The following TSPAN15 variants were observed in gnomAD, a reference collection of about 807,000 sequenced individuals.
TSPAN15 encodes tetraspanin-15.
Under a neutral mutation model 34.5 loss-of-function variants are expected in TSPAN15, and 20 were observed. The observed-to-expected ratio is 0.58, with a 90% CI of 0.41 to 0.84. TSPAN15 has a LOEUF of 0.84. Ranked by LOEUF, TSPAN15 falls within the 40% of genes least tolerant of loss-of-function variation. TSPAN15 has a pLI of 0.00. For missense variants in TSPAN15, 313 were observed against 386.1 expected (o/e 0.81, Z 1.59); for synonymous variants, 155 against 153.9 (o/e 1.01, Z -0.05).
the TSPAN15 span, among the ~76,000 whole-genome samples, chr10:69,533,646 A>G: frequency 6.6e-6 from 1 of 152,052 alleles, no homozygotes; most frequent in East Asian, 1.9e-4. Context: ...CACCATCCAT[A>G]CCCCAATAAC....
At chr10:69,482,791 C>T (rs990898686) in intron 1 of TSPAN15, among the ~76,000 whole-genome samples, 13 of 152,162 alleles carry the variant, frequency 8.5e-5, no homozygotes, top group Admixed American at 3.9e-4. Flanking sequence ...CAGCCAGTGG[C>T]ATTTCCCCTA....
the TSPAN15 span, among the ~76,000 whole-genome samples, chr10:69,533,889 C>T: frequency 1.3e-5 from 2 of 152,238 alleles, no homozygotes; most frequent in African/African-American, 2.4e-5. Context: ...ACCCAGATGG[C>T]GTCTGCTGCA....
chr10:69,454,810 G>GAAAATAA (rs1841048478), intron 1 of TSPAN15, among the ~76,000 whole-genome samples: 1 of 151,984 alleles, frequency 6.6e-6, no homozygotes, highest in Non-Finnish European at 1.5e-5. Flanking sequence ...CTCTGTTGCA[G>GAAAATAA]AAAATAAAAA....
chr10:69,486,104 G>C (rs1426766855), intron 3 of TSPAN15, among the ~76,000 whole-genome samples: 1 of 152,236 alleles, frequency 6.6e-6, no homozygotes, highest in Non-Finnish European at 1.5e-5. Context: ...GGGACACCTA[G>C]CTCACAGATC....
At position 69,506,877 on chromosome 10, in the gene TSPAN15, A is replaced by T; in HGVS notation, c.784A>T (p.Ile262Phe). ...GCTGTACATCACCCGGGTGGAGGAC[A>T]TCATCATGGAGCACTCTGTCACTGA... ...TLLYITRVED[I>F]IMEHSVTDGL... The change falls in exon 8 of 8, where the codon ATC becomes TTC. Residue 262 changes from isoleucine to phenylalanine, a missense_variant. Physicochemically the swap from Ile to Phe is conservative, Grantham distance 21. Transcript: ENST00000373290. This position sits in a 1 kb window ranked among gnomAD's most constrained non-coding sequence, Gnocchi z 4.7. The T allele has an allele frequency of 6.2e-7, 1 of 1,603,926 alleles. No individual in the cohort carries two copies. The highest frequency in any genetic ancestry group is 8.5e-7 in the Non-Finnish European group (1 of 1,175,924).
chr10:69,540,089 C>T, the TSPAN15 span, among the ~76,000 whole-genome samples: 2 of 151,886 alleles, frequency 1.3e-5, no homozygotes, highest in African/African-American at 4.8e-5. Flanking sequence ...CAGGGTTTCA[C>T]CATGTTGGCC....
the TSPAN15 span, among the ~76,000 whole-genome samples, chr10:69,545,394 G>A: frequency 2.6e-4 from 40 of 152,272 alleles, 1 homozygote; most frequent in African/African-American, 6.5e-4. Context: ...ACGGAAATGC[G>A]GGTTTCATCC....
At chr10:69,454,135 A>G (rs1841032623) in intron 1 of TSPAN15, among the ~76,000 whole-genome samples, 1 of 152,222 alleles carries the variant, frequency 6.6e-6, no homozygotes, top group Non-Finnish European at 1.5e-5. Flanking sequence ...CCAAACTGCT[A>G]GCAATTTGCA....
chr10:69,463,861 G>A (rs1841324235), intron 1 of TSPAN15, among the ~76,000 whole-genome samples: 1 of 151,634 alleles, frequency 6.6e-6, no homozygotes, highest in South Asian at 2.1e-4. Flanking sequence ...TAGAACCTGT[G>A]AATGTAACCT....
rs147414519 is a variant in TSPAN15, at chr10:69,488,877, G to A, written c.357+3662G>A. On this transcript the variant is annotated intron_variant, in intron 3 of 7. Coordinates refer to ENST00000373290, the MANE Select transcript of TSPAN15 (RefSeq NM_012339.5). The stretch of plus-strand genomic sequence containing the variant: ...AAAAGCAAAGATCACAAGGCAAAGG[G>A]CAAAAGCAGAATTACTGATAAGGGT... Among the ~76,000 whole-genome samples, 763 of 152,280 alleles carry A rather than the reference G, an allele frequency of 5.0e-3. 9 individuals are homozygous for A. The highest frequency in any genetic ancestry group is 0.018 in the African/African-American group (731 of 41,560).
Position 69,462,155 on chromosome 10 carries a change from GTTTTTTTT to G in TSPAN15, c.96+10484_96+10491del, listed in dbSNP as rs755068937. Among the ~76,000 whole-genome samples the G allele has an allele frequency of 4.0e-3, 327 of 82,702 alleles. 4 individuals are homozygous for G. Among genetic ancestry groups the G allele is most frequent in the African/African-American group, 0.014 (310 of 22,136 alleles). The allele number at this position is 82,702 out of a possible 152,430, so 54.3% of individuals were successfully genotyped here. On this transcript the variant is annotated intron_variant, in intron 1 of 7. Transcript: ENST00000373290. Reference sequence around the variant, plus strand: ...GCCACCATACCTGGCTAATTTTAAAGTTTTTTTTTTTTTTTTTTTTTTTTTTGTAGAAA... The same window carrying G: ...GCCACCATACCTGGCTAATTTTAAAGTTTTTTTTTTTTTTTTTTGTAGAAA...
At chr10:69,492,555 C>T (rs1470503219) in intron 3 of TSPAN15, among the ~76,000 whole-genome samples, 1 of 152,228 alleles carries the variant, frequency 6.6e-6, no homozygotes, top group African/African-American at 2.4e-5. Flanking sequence ...CCCCCCTTCC[C>T]CCAACAACAG....
intron 1 of TSPAN15, 152 bp from the exon 2 acceptor site, chr10:69,483,539 G>A: frequency 1.3e-6 from 1 of 753,448 alleles, no homozygotes; most frequent in Admixed American, 3.0e-5. Context: ...GAAAATTTGG[G>A]GAAACACAGT....
chr10:69,518,527 G>A, the TSPAN15 span, among the ~76,000 whole-genome samples: 6 of 152,164 alleles, frequency 3.9e-5, no homozygotes, highest in African/African-American at 7.2e-5. Flanking sequence ...GGGTTCAAGC[G>A]ATCCTTCTGC....
intron 1 of TSPAN15, among the ~76,000 whole-genome samples, chr10:69,476,946 G>A (rs929498826): frequency 2.6e-5 from 4 of 152,040 alleles, no homozygotes; most frequent in African/African-American, 4.8e-5. Context: ...GCCCTTTAGC[G>A]GTTTGGATTG....
intron 1 of TSPAN15, among the ~76,000 whole-genome samples, chr10:69,478,036 A>C (rs1841653531): frequency 6.6e-6 from 1 of 152,190 alleles, no homozygotes; most frequent in Non-Finnish European, 1.5e-5. Flanking sequence ...GGCCAAGGGT[A>C]CTGAGCTCAC....
chr10:69,544,555 C>T, the TSPAN15 span, among the ~76,000 whole-genome samples: 2 of 152,214 alleles, frequency 1.3e-5, no homozygotes, highest in African/African-American at 4.8e-5. Flanking sequence ...CCACACCTGC[C>T]CCCAGGGTAG....
intron 1 of TSPAN15, among the ~76,000 whole-genome samples, chr10:69,472,553 G>A (rs1841529243): frequency 1.3e-5 from 2 of 152,174 alleles, no homozygotes; most frequent in Admixed American, 1.3e-4. Context: ...GGTGCTTAGT[G>A]TATGTGGAAT....
chr10:69,539,537 AG>A, the TSPAN15 span, among the ~76,000 whole-genome samples: 3,147 of 47,518 alleles, frequency 0.066, 271 homozygotes, highest in Middle Eastern at 0.14. Context: ...AAGAAGAAGA[AG>A]GAGAAGGAGA....
Sources: allele counts gnomAD v4.1 joint callset (sites outside exome capture counted in the v4.1 genomes callset), GRCh38; gene constraint gnomAD v4.1.1; non-coding constraint Gnocchi (gnomAD v3.1); transcripts MANE v1.5; gene names NCBI Gene and HGNC (gene_info 2026-07-23, HGNC 2026-07-21).